Variants in SFMBT1 observed in about 807,000 individuals in gnomAD.
The protein encoded by SFMBT1 is scm-like with four MBT domains protein 1.
SFMBT1 carries 32 observed loss-of-function variants against 108.7 expected under a neutral mutation model. The ratio of observed to expected loss-of-function variants is 0.29; its 90% CI spans 0.22 to 0.40. The LOEUF is 0.40. Among genes scored for constraint, SFMBT1 ranks in the 10% least tolerant of loss-of-function variants. The pLI is 1.00. For missense variants in SFMBT1, 816 were observed against 1,059.6 expected (o/e 0.77, Z 3.19); for synonymous variants, 348 against 369.5 (o/e 0.94, Z 0.67).
intron 2 of SFMBT1, among the ~76,000 whole-genome samples, chr3:52,967,628 A>C (rs1025556712): frequency 6.6e-6 from 1 of 152,240 alleles, no homozygotes; most frequent in Non-Finnish European, 1.5e-5. Flanking sequence ...ATCTTTATTA[A>C]TTAAAAATAA....
chr3:53,017,952 G>C (rs972592436), intron 1 of SFMBT1: 2 of 152,228 alleles, frequency 1.3e-5, no homozygotes, highest in Non-Finnish European at 2.9e-5. Flanking sequence ...TGAAGAATAG[G>C]CTGGGCACGG....
rs967352044 is a variant in SFMBT1, at chr3:52,926,217, T to C, written c.1049-104A>G. 105 of 935,986 alleles carry C rather than the reference T, an allele frequency of 1.1e-4. No homozygotes were observed. The African/African-American group carries it at 1.7e-3, about 15-fold the overall frequency. The allele number at this position is 935,986 out of a possible 1,614,324, so 58.0% of individuals were successfully genotyped here. ...CACTCACAACTTCCAGTGATGCTAG[T>C]CTGACAACTTTGATCATTTTAGAGG... is the stretch of plus-strand genomic sequence containing the variant. On this transcript the variant is annotated intron_variant, in intron 9 of 20. Transcript: ENST00000394752.
chr3:52,950,164 C>G (rs1247539595), intron 3 of SFMBT1, among the ~76,000 whole-genome samples: 1 of 151,652 alleles, frequency 6.6e-6, no homozygotes, highest in East Asian at 1.9e-4. Flanking sequence ...TTGCCTTCTT[C>G]TTTGTTTCCA....
intron 3 of SFMBT1, among the ~76,000 whole-genome samples, chr3:52,950,830 T>C (rs1703555070): frequency 6.6e-6 from 1 of 152,002 alleles, no homozygotes; most frequent in South Asian, 2.1e-4. Context: ...ATAAGAAATA[T>C]TAGGCCAGGC....
In SFMBT1 at chr3:52,998,054, T is replaced by A. The variant is rs554800424; in HGVS notation, c.-130-28796A>T. 1.1e-4 allele frequency among the ~76,000 whole-genome samples: 16 copies of A among 150,554 alleles called. 2 individuals are homozygous for A. Among genetic ancestry groups the A allele is most frequent in the South Asian group, 8.5e-4 (4 of 4,730 alleles). ...ACATTCACAATGTTGTACAAGAAAA[T>A]TTTTTAAATTACAGCATGTATAACA... On this transcript the variant is annotated intron_variant, in intron 1 of 20. Coordinates refer to ENST00000394752, the MANE Select transcript of SFMBT1 (RefSeq NM_016329.4).
At chr3:52,947,218 C>T (rs1399528215) in intron 3 of SFMBT1, among the ~76,000 whole-genome samples, 2 of 150,196 alleles carry the variant, frequency 1.3e-5, no homozygotes, top group Non-Finnish European at 3.0e-5. Flanking sequence ...CCCAGGTTCA[C>T]GCCATTCTCC....
chr3:52,945,566 G>C (rs541748570), intron 3 of SFMBT1, among the ~76,000 whole-genome samples: 6 of 151,980 alleles, frequency 3.9e-5, no homozygotes, highest in Non-Finnish European at 8.8e-5. Flanking sequence ...CCAGTACTTT[G>C]GGAGGCCGAG....
intron 1 of SFMBT1, among the ~76,000 whole-genome samples, chr3:52,976,750 G>C (rs1201345428): frequency 6.6e-6 from 1 of 152,142 alleles, no homozygotes; most frequent in East Asian, 1.9e-4. Context: ...GCACCTATTA[G>C]ATAAATAAGA....
Position 52,922,836 on chromosome 3 carries a change from C to A in SFMBT1, c.1132-1005G>T, listed in dbSNP as rs958970268. 3.9e-5 allele frequency among the ~76,000 whole-genome samples: 6 copies of A among 152,180 alleles called. 1 individual carries two copies. The highest frequency in any genetic ancestry group is 2.9e-5 in the Non-Finnish European group (2 of 68,028). On this transcript the variant is annotated intron_variant, in intron 10 of 20. Transcript: ENST00000394752. Reference sequence around the variant, plus strand: ...AAGGAACTGCTGAGGGCATGTATGTCGTGACCAAAACAGCGGTTAGCCTAT... The same window carrying A: ...AAGGAACTGCTGAGGGCATGTATGTAGTGACCAAAACAGCGGTTAGCCTAT...
At chr3:53,013,198 C>G (rs1224082828) in intron 1 of SFMBT1, among the ~76,000 whole-genome samples, 2 of 151,546 alleles carry the variant, frequency 1.3e-5, no homozygotes, top group Non-Finnish European at 2.9e-5. Context: ...GTGATGGGCT[C>G]TAAGTTGAGA....
At position 52,943,496 on chromosome 3, in the gene SFMBT1, G is replaced by C; in HGVS notation, c.221C>G (p.Thr74Ser). 1 of 1,614,188 alleles carries C rather than the reference G, an allele frequency of 6.2e-7. No individual in the cohort carries two copies. Among genetic ancestry groups the C allele is most frequent in the South Asian group, 1.1e-5 (1 of 91,076 alleles). The part of the protein sequence containing the change: ...PETYWVATVI[T>S]TCEQLLLLRY... ...GAGAAGGAGCAACTGCTCACAGGTAGTGATAACGGTGGCAACCCAGTAGGT... is the reference window on the plus strand; with the variant it reads ...GAGAAGGAGCAACTGCTCACAGGTACTGATAACGGTGGCAACCCAGTAGGT... Residue 74 changes from threonine (T) to serine (S), a missense_variant, in exon 4 of 21, where the codon ACT (threonine) becomes AGT (serine). This residue lies in a region of SFMBT1 where 495 missense variants were observed against 607.4 expected (regional missense o/e 0.81). Coordinates refer to ENST00000394752, the MANE Select transcript of SFMBT1 (RefSeq NM_016329.4).
intron 14 of SFMBT1, among the ~76,000 whole-genome samples, chr3:52,914,554 C>A (rs1371123980): frequency 1.3e-5 from 2 of 151,922 alleles, no homozygotes; most frequent in East Asian, 1.9e-4. Flanking sequence ...AGTGAAGCCC[C>A]ATCTCTACAA....
At chr3:53,034,933 T>C (rs1699819307) in intron 1 of SFMBT1, among the ~76,000 whole-genome samples, 1 of 152,186 alleles carries the variant, frequency 6.6e-6, no homozygotes, top group Admixed American at 6.5e-5. Flanking sequence ...AGCGAGACTC[T>C]GTCTCAAAAT....
chr3:52,945,604 G>A (rs549418494), intron 3 of SFMBT1, among the ~76,000 whole-genome samples: 10 of 151,668 alleles, frequency 6.6e-5, no homozygotes, highest in Non-Finnish European at 1.5e-4. Flanking sequence ...TCAGGAGATC[G>A]AGACCATCCT....
chr3:52,996,613 A>G (rs547651010), intron 1 of SFMBT1, among the ~76,000 whole-genome samples: 2 of 150,550 alleles, frequency 1.3e-5, no homozygotes, highest in Admixed American at 1.3e-4. Context: ...CTAGGGAAAT[A>G]CAAATTAAAA....
At chr3:52,967,525 G>T (rs1233921046) in intron 2 of SFMBT1, among the ~76,000 whole-genome samples, 1 of 152,040 alleles carries the variant, frequency 6.6e-6, no homozygotes, top group Non-Finnish European at 1.5e-5. Context: ...TCTGAATTAT[G>T]TACTCTAAAA....
intron 1 of SFMBT1, among the ~76,000 whole-genome samples, chr3:53,028,880 G>T (rs1175309902): frequency 6.6e-6 from 1 of 152,074 alleles, no homozygotes; most frequent in Non-Finnish European, 1.5e-5. Context: ...AGTCACAAGA[G>T]TTATGGGCTA....
chr3:52,983,384 T>C (rs1704789962), intron 1 of SFMBT1, among the ~76,000 whole-genome samples: 1 of 152,238 alleles, frequency 6.6e-6, no homozygotes, highest in Non-Finnish European at 1.5e-5. Flanking sequence ...GCTTATGTTA[T>C]TGTGGTAAGG....
At chr3:53,029,171 C>CA (rs60211879) in intron 1 of SFMBT1, among the ~76,000 whole-genome samples, 4,364 of 46,896 alleles carry the variant, frequency 0.093, 526 homozygotes, top group African/African-American at 0.22. Context: ...GACTCCGTCT[C>CA]AAAAAAAAAA....
Sources: allele counts gnomAD v4.1 joint callset (sites outside exome capture counted in the v4.1 genomes callset), GRCh38; gene constraint gnomAD v4.1.1; regional missense constraint gnomAD v4.1.1; transcripts MANE v1.5; gene names NCBI Gene and HGNC (gene_info 2026-07-23, HGNC 2026-07-21).